Variants in PECAM1 observed in about 807,000 individuals in gnomAD.
PECAM1 encodes the protein platelet and endothelial cell adhesion molecule 1.
In PECAM1, 8 loss-of-function variants were observed where a neutral mutation model predicts 13.8. That is an observed-to-expected ratio of 0.58 (90% confidence interval 0.34 to 1.05). The LOEUF (loss-of-function observed/expected upper bound fraction) is 1.05, where lower values mean the gene tolerates loss of function less well. PECAM1 is among the 50% of genes least tolerant of loss of function. PECAM1 has a pLI of 0.03. For missense variants in PECAM1, 304 were observed against 141.2 expected (o/e 2.15, Z -5.84); for synonymous variants, 136 against 52.6 (o/e 2.58, Z -6.86).
intron 13 of PECAM1, among the ~76,000 whole-genome samples, chr17:64,342,909 C>T (rs1490134021): frequency 2.0e-5 from 3 of 151,944 alleles, no homozygotes; most frequent in Non-Finnish European, 4.4e-5. Context: ...ATTGTATACA[C>T]ACTGTATGTA....
chr17:64,352,741 G>A (rs947864441), intron 10 of PECAM1, among the ~76,000 whole-genome samples: 8 of 151,440 alleles, frequency 5.3e-5, no homozygotes, highest in Admixed American at 2.0e-4. Context: ...TGCAGCCTCC[G>A]CCTCCTGGGT....
At chr17:64,347,565 TAAAA>T (rs1393519828) in intron 13 of PECAM1, among the ~76,000 whole-genome samples, 1 of 135,140 alleles carries the variant, frequency 7.4e-6, no homozygotes, top group African/African-American at 2.7e-5. Context: ...ATATATAAAA[TAAAA>T]AATATATAAA....
chr17:64,348,407 CTTTTTT>C, intron 12 of PECAM1, 85 bp from the exon 13 acceptor site: 26 of 295,754 alleles, frequency 8.8e-5, no homozygotes, highest in South Asian at 1.6e-4. Context: ...ACTTTCTTTT[CTTTTTT>C]TTTTTTTTTT....
rs910417557 is a variant in PECAM1, at chr17:64,347,809, C to T, written c.2107+451G>A. 5.0e-4 allele frequency among the ~76,000 whole-genome samples: 75 copies of T among 149,642 alleles called. No individual in the cohort carries two copies. In the East Asian group the frequency reaches 9.4e-3, roughly 19 times the overall value. ...GCAGTGGCGCAATCTCAGCTCACTG[C>T]CACCTCTGCCTTCCGGGTTCAAGTG... On this transcript the variant is annotated intron_variant, in intron 13 of 15. Coordinates refer to ENST00000563924, the MANE Select transcript of PECAM1 (RefSeq NM_000442.5).
chr17:64,363,027 C>A, intron 6 of PECAM1, 122 bp downstream of exon 6: 2 of 461,474 alleles, frequency 4.3e-6, no homozygotes, highest in Non-Finnish European at 3.9e-6. Flanking sequence ...TTTCGCACTT[C>A]TCTCCCTCTA....
intron 4 of PECAM1, among the ~76,000 whole-genome samples, chr17:64,372,567 A>G (rs1293356675): frequency 6.6e-6 from 1 of 152,110 alleles, no homozygotes; most frequent in Non-Finnish European, 1.5e-5. Flanking sequence ...ATGCAGTGAC[A>G]CGGTGGCTCA....
intron 14 of PECAM1, among the ~76,000 whole-genome samples, chr17:64,338,255 T>C (rs1234462084): frequency 2.0e-5 from 3 of 147,406 alleles, no homozygotes; most frequent in Non-Finnish European, 4.5e-5. Context: ...TTTTTTTTTT[T>C]TTTTTTTAGA....
chr17:64,382,184 C>T (rs1271908007), intron 2 of PECAM1, among the ~76,000 whole-genome samples: 9 of 152,314 alleles, frequency 5.9e-5, no homozygotes, highest in African/African-American at 1.9e-4. Flanking sequence ...ACTCTCTTCC[C>T]TCTCAGAGAC....
chr17:64,348,398 C>CT (rs1349261041), intron 12 of PECAM1, 76 bp from the exon 13 acceptor site: 1 of 391,756 alleles, frequency 2.6e-6, no homozygotes. Context: ...GAAGTAGAGA[C>CT]TTTCTTTTCT....
At chr17:64,343,565 G>T (rs1338218861) in intron 13 of PECAM1, among the ~76,000 whole-genome samples, 1 of 152,202 alleles carries the variant, frequency 6.6e-6, no homozygotes, top group Non-Finnish European at 1.5e-5. Flanking sequence ...GGGGGCACCT[G>T]TCCAAGTTTG....
intron 2 of PECAM1, among the ~76,000 whole-genome samples, chr17:64,380,646 G>C (rs1408464826): frequency 1.3e-5 from 2 of 152,226 alleles, no homozygotes; most frequent in African/African-American, 4.8e-5. Context: ...CTCAAAGACA[G>C]ATGACATGAT....
chr17:64,327,931 C>T (rs1343759368), intron 15 of PECAM1, among the ~76,000 whole-genome samples: 4 of 152,254 alleles, frequency 2.6e-5, no homozygotes, highest in Non-Finnish European at 4.4e-5. Flanking sequence ...CCCACACCAG[C>T]TGATTATTAG....
At chr17:64,372,566 C>T (rs2036264869) in intron 4 of PECAM1, among the ~76,000 whole-genome samples, 1 of 152,044 alleles carries the variant, frequency 6.6e-6, no homozygotes, top group Non-Finnish European at 1.5e-5. Flanking sequence ...AATGCAGTGA[C>T]ACGGTGGCTC....
intron 15 of PECAM1, among the ~76,000 whole-genome samples, chr17:64,324,795 A>G (rs2034900205): frequency 6.6e-6 from 1 of 152,264 alleles, no homozygotes; most frequent in South Asian, 2.1e-4. Context: ...CAAATATATG[A>G]TTCCACTTAT....
intron 4 of PECAM1, among the ~76,000 whole-genome samples, chr17:64,374,329 A>G (rs1451822411): frequency 2.6e-5 from 4 of 151,748 alleles, no homozygotes; most frequent in African/African-American, 9.7e-5. Context: ...GTCTATACTA[A>G]AAATACAAAT....
intron 2 of PECAM1, among the ~76,000 whole-genome samples, chr17:64,387,704 A>G (rs2036628135): frequency 6.6e-6 from 1 of 152,150 alleles, no homozygotes; most frequent in Non-Finnish European, 1.5e-5. Context: ...GCCTGCAGCC[A>G]GGCCCAGGCG....
At chr17:64,331,610 A>G (rs574063270) in intron 14 of PECAM1, among the ~76,000 whole-genome samples, 98 of 152,368 alleles carry the variant, frequency 6.4e-4, no homozygotes, top group African/African-American at 2.3e-3. Context: ...CAATGAGAGC[A>G]GGAAGCTCTG....
At chr17:64,338,241 T>A (rs2035334958) in intron 14 of PECAM1, among the ~76,000 whole-genome samples, 2 of 3,850 alleles carry the variant, frequency 5.2e-4, no homozygotes, top group Non-Finnish European at 1.5e-3. Flanking sequence ...TTTTTAAAAT[T>A]TTTTTTTTTT....
chr17:64,362,861 A>G (rs2036018403), intron 6 of PECAM1, among the ~76,000 whole-genome samples: 1 of 151,536 alleles, frequency 6.6e-6, no homozygotes, highest in Admixed American at 6.6e-5. Flanking sequence ...AGAAAAGTTT[A>G]ACATTGACTA....
Sources: allele counts gnomAD v4.1 joint callset (sites outside exome capture counted in the v4.1 genomes callset), GRCh38; gene constraint gnomAD v4.1.1; transcripts MANE v1.5; gene names NCBI Gene and HGNC (gene_info 2026-07-23, HGNC 2026-07-21).